POLR3B: variants seen among roughly 807,000 people sequenced by gnomAD.
POLR3B encodes RNA polymerase III subunit B.
A neutral mutation model predicts 147.4 loss-of-function variants in POLR3B; 96 were observed. That is an observed-to-expected ratio of 0.65 (90% CI 0.55 to 0.77). The LOEUF (loss-of-function observed/expected upper bound fraction) is 0.77. Among genes scored for constraint, POLR3B ranks in the 30% least tolerant of loss-of-function variants. POLR3B has a pLI of 0.00. For missense variants in POLR3B, 1,036 were observed against 1,413.5 expected, an observed-to-expected ratio of 0.73 and a Z score of 4.28; for synonymous variants, 461 against 485.9, an observed-to-expected ratio of 0.95 and a Z score of 0.67.
At chr12:106,436,016 G>C (rs140940845) in intron 16 of POLR3B, among the ~76,000 whole-genome samples, 1 of 152,060 alleles carries the variant, frequency 6.6e-6, no homozygotes, top group African/African-American at 2.4e-5. Context: ...CCACTGCAGC[G>C]CTCAAATGAG....
intron 12 of POLR3B, among the ~76,000 whole-genome samples, chr12:106,416,731 G>A (rs920621395): frequency 2.0e-5 from 3 of 152,148 alleles, no homozygotes; most frequent in Admixed American, 6.6e-5. Context: ...GAATTCATAA[G>A]CACAGTTTCC....
chr12:106,476,685 A>T (rs1309466863), intron 23 of POLR3B, among the ~76,000 whole-genome samples: 1 of 148,488 alleles, frequency 6.7e-6, no homozygotes, highest in Non-Finnish European at 1.5e-5. Context: ...TGCATTCTTC[A>T]CGTAGTTCTC....
intron 10 of POLR3B, among the ~76,000 whole-genome samples, chr12:106,400,202 G>C (rs1200930380): frequency 6.6e-6 from 1 of 152,134 alleles, no homozygotes; most frequent in Non-Finnish European, 1.5e-5. Flanking sequence ...TGATAAAACA[G>C]ACTTTAAACC....
intron 2 of POLR3B, among the ~76,000 whole-genome samples, chr12:106,365,200 C>A (rs1455754583): frequency 6.6e-6 from 1 of 151,868 alleles, no homozygotes; most frequent in African/African-American, 2.4e-5. Flanking sequence ...AGTTCAGTTG[C>A]GTGTTATGGG....
chr12:106,458,283 T>G (rs1030054118), intron 21 of POLR3B, among the ~76,000 whole-genome samples: 2 of 151,838 alleles, frequency 1.3e-5, no homozygotes, highest in African/African-American at 4.8e-5. Context: ...CCACCATGCC[T>G]GGATAGTTTT....
chr12:106,371,606 G>A (rs1343588330), intron 6 of POLR3B, among the ~76,000 whole-genome samples: 3 of 147,208 alleles, frequency 2.0e-5, no homozygotes, highest in Non-Finnish European at 4.5e-5. Context: ...ATACTATGCA[G>A]CCATAAAAAA....
chr12:106,433,979 G>T (rs1001524282), intron 16 of POLR3B, 107 bp downstream of exon 16: 2 of 899,914 alleles, frequency 2.2e-6, no homozygotes, highest in Non-Finnish European at 3.5e-6. Flanking sequence ...CTCTTTCATT[G>T]TGAAGATAAA....
At chr12:106,485,995 G>A (rs111500257) in intron 23 of POLR3B, among the ~76,000 whole-genome samples, 3,211 of 152,206 alleles carry the variant, frequency 0.021, 112 homozygotes, top group African/African-American at 0.073. Context: ...CTACTATAAA[G>A]AGTAAGGAGA....
chr12:106,359,624 C>T (rs1044184582), intron 1 of POLR3B, among the ~76,000 whole-genome samples: 11 of 152,116 alleles, frequency 7.2e-5, no homozygotes, highest in African/African-American at 2.2e-4. Flanking sequence ...CCACCGTGCC[C>T]GGCTGCAAAA....
Position 106,432,332 on chromosome 12 carries a change from T to A in POLR3B, c.1479T>A (p.Val493=), listed in dbSNP as rs1329808669. The part of the protein sequence containing the change: ...DTPEGEACGL[V]KNLALMTHIT... ...TTGTTTTTTAGGCATGTGGTTTGGTTAAAAACTTGGCCCTTATGACACACA... is the reference window on the plus strand; with the variant it reads ...TTGTTTTTTAGGCATGTGGTTTGGTAAAAAACTTGGCCCTTATGACACACA... Residue 493 remains valine (V), a synonymous_variant, in exon 15 of 28, where the codon GTT becomes GTA. Transcript: ENST00000228347. 1.2e-6 allele frequency: 2 copies of A among 1,613,654 alleles called. No homozygotes were observed. Among genetic ancestry groups the A allele is most frequent in the Non-Finnish European group, 1.7e-6 (2 of 1,179,714 alleles).
rs1264925586 is a variant in POLR3B at position 106,463,488 on chromosome 12, G to A, written c.2581G>A (p.Ala861Thr). The A allele has an allele frequency of 1.1e-5, 18 of 1,613,418 alleles. No homozygotes were observed. The highest frequency in any genetic ancestry group is 1.5e-5 in the Non-Finnish European group (18 of 1,179,486). Residue 861 changes from alanine to threonine, a missense_variant, in exon 23 of 28, where the codon GCA (alanine) becomes ACA (threonine). This residue lies in a region of POLR3B where 202 missense variants were observed against 272.8 expected (regional missense o/e 0.74). Transcript: ENST00000228347. ...YKDVPITYKG[A>T]TDSYIEKVMI... is the part of the protein sequence containing the mutation. ...TTCTCTTAACACCAGCTACAAAGGA[G>A]CAACAGACTCATATATTGAAAAAGT... is the stretch of plus-strand genomic sequence containing the variant.
intron 23 of POLR3B, among the ~76,000 whole-genome samples, chr12:106,465,745 G>A (rs1380041300): frequency 2.6e-5 from 4 of 152,160 alleles, no homozygotes; most frequent in African/African-American, 9.7e-5. Context: ...AGTTTGCTGA[G>A]AATGATGGTT....
chr12:106,505,928 A>T (rs1217591398), intron 27 of POLR3B, among the ~76,000 whole-genome samples: 3 of 152,240 alleles, frequency 2.0e-5, no homozygotes, highest in Admixed American at 6.5e-5. Context: ...CCCTTGCCAG[A>T]TAAATGTCAA....
intron 12 of POLR3B, among the ~76,000 whole-genome samples, chr12:106,420,645 C>T (rs1246031246): frequency 2.0e-5 from 3 of 152,182 alleles, no homozygotes; most frequent in Admixed American, 2.0e-4. Flanking sequence ...TCTACCAATT[C>T]GGGAAACAGA....
intron 19 of POLR3B, among the ~76,000 whole-genome samples, chr12:106,446,738 C>A (rs2037731202): frequency 6.6e-6 from 1 of 152,074 alleles, no homozygotes; most frequent in Non-Finnish European, 1.5e-5. Context: ...CACTGAATAT[C>A]TTAAGTAATA....
intron 23 of POLR3B, among the ~76,000 whole-genome samples, chr12:106,471,196 C>A (rs1183647153): frequency 6.6e-6 from 1 of 152,174 alleles, no homozygotes; most frequent in Non-Finnish European, 1.5e-5. Flanking sequence ...CTGCCACACT[C>A]CACCATCCCA....
At chr12:106,472,976 C>T (rs1305270723) in intron 23 of POLR3B, among the ~76,000 whole-genome samples, 130 of 121,922 alleles carry the variant, frequency 1.1e-3, no homozygotes, top group Non-Finnish European at 2.0e-3. Flanking sequence ...AGGTTTTCTT[C>T]TAGGGTTTTT....
In POLR3B at chr12:106,509,622, C is replaced by A; in HGVS notation, c.*73C>A. 7.5e-7 allele frequency: 1 copy of A among 1,326,034 alleles called. No homozygotes were observed. Among genetic ancestry groups the A allele is most frequent in the Non-Finnish European group, 1.1e-6 (1 of 931,066 alleles). 82.1% of individuals were successfully genotyped at this position (1,326,034 alleles called of 1,614,324 possible). A position where few individuals can be genotyped will look rare whatever the true frequency, so the allele number is the denominator to read the frequency against. ...AACGGAAAGCAGAAGGGATTTAGGA[C>A]TACGTCTCCTCCTGTGAAGAATTCC... is the stretch of plus-strand genomic sequence containing the variant. On this transcript the variant is annotated 3_prime_UTR_variant, in exon 28 of 28. Transcript: ENST00000228347.
chr12:106,448,337 A>T (rs2037750115), intron 19 of POLR3B, among the ~76,000 whole-genome samples: 1 of 146,108 alleles, frequency 6.8e-6, no homozygotes, highest in Admixed American at 6.9e-5. Flanking sequence ...GTAATAAGGT[A>T]TGTATTTTTA....
Sources: gnomAD v4.1 joint callset for allele counts (sites outside exome capture counted in the v4.1 genomes callset) on GRCh38, gnomAD v4.1.1 for gene constraint, gnomAD v4.1.1 regional missense constraint, MANE v1.5 for transcripts, NCBI Gene and HGNC (gene_info 2026-07-23, HGNC 2026-07-21) for gene names.